Variants in KCNAB1 observed in about 807,000 individuals in gnomAD.
KCNAB1 encodes the protein potassium voltage-gated channel subfamily A regulatory beta subunit 1.
A neutral mutation model predicts 64.6 loss-of-function variants in KCNAB1; 35 were observed. The ratio of observed to expected loss-of-function variants is 0.54; its 90% confidence interval spans 0.41 to 0.72. KCNAB1 has a LOEUF of 0.72. Ranked by LOEUF, KCNAB1 falls within the 30% of genes least tolerant of loss-of-function variation. The pLI, the probability that KCNAB1 is intolerant of heterozygous loss-of-function variation, is 0.00. For synonymous variants in KCNAB1, 177 were observed against 183.8 expected (o/e 0.96, Z 0.30); for missense variants, 401 against 512.9 (o/e 0.78, Z 2.11).
intron 1 of KCNAB1, among the ~76,000 whole-genome samples, chr3:156,228,201 G>C (rs1163769588): frequency 2.0e-5 from 3 of 152,096 alleles, no homozygotes; most frequent in East Asian, 3.9e-4. Flanking sequence ...TGGGAAGTCA[G>C]ATGCTGTCCT....
At chr3:156,256,816 G>A (rs2108472757) in intron 1 of KCNAB1, among the ~76,000 whole-genome samples, 1 of 152,298 alleles carries the variant, frequency 6.6e-6, no homozygotes, top group African/African-American at 2.4e-5. Context: ...TTCTAGTTGG[G>A]TTCAGCCCAT....
chr3:156,472,300 G>C (rs2108314785), intron 7 of KCNAB1, among the ~76,000 whole-genome samples: 1 of 152,286 alleles, frequency 6.6e-6, no homozygotes, highest in South Asian at 2.1e-4. Flanking sequence ...GTCTGAGCTG[G>C]ATGAGCTGCG....
intron 3 of KCNAB1, among the ~76,000 whole-genome samples, chr3:156,456,620 C>T (rs1372726642): frequency 6.6e-6 from 1 of 152,180 alleles, no homozygotes; most frequent in African/African-American, 2.4e-5. Flanking sequence ...GATGAAGCAA[C>T]TTTAGCCTGC....
At chr3:156,487,988 G>T (rs937403095) in intron 8 of KCNAB1, among the ~76,000 whole-genome samples, 4 of 152,032 alleles carry the variant, frequency 2.6e-5, no homozygotes, top group African/African-American at 9.7e-5. Flanking sequence ...AATGTTGCAA[G>T]ACCCTGTCTC....
intron 1 of KCNAB1, among the ~76,000 whole-genome samples, chr3:156,146,037 G>A (rs1420571433): frequency 6.6e-6 from 1 of 152,190 alleles, no homozygotes; most frequent in Non-Finnish European, 1.5e-5. Context: ...AGACGCCATT[G>A]CAGACTTTAG....
At chr3:156,436,395 A>G (rs2108252332) in intron 2 of KCNAB1, among the ~76,000 whole-genome samples, 1 of 152,354 alleles carries the variant, frequency 6.6e-6, no homozygotes, top group African/African-American at 2.4e-5. Flanking sequence ...ATGTATGTTT[A>G]TAAAAGAATA....
chr3:156,522,741 T>C (rs1718037354), intron 11 of KCNAB1, among the ~76,000 whole-genome samples: 1 of 152,234 alleles, frequency 6.6e-6, no homozygotes, highest in Non-Finnish European at 1.5e-5. Context: ...CAGCAGCCTA[T>C]TGAAATCATG....
At chr3:156,427,592 A>AATAGCAAG (rs1185734681) in intron 2 of KCNAB1, among the ~76,000 whole-genome samples, 1 of 152,226 alleles carries the variant, frequency 6.6e-6, no homozygotes, top group Admixed American at 6.5e-5. Context: ...TCCACTGAAT[A>AATAGCAAG]ATAGCAAGGA....
chr3:156,144,201 G>T (rs188673735), intron 1 of KCNAB1, among the ~76,000 whole-genome samples: 169 of 152,222 alleles, frequency 1.1e-3, no homozygotes, highest in African/African-American at 3.8e-3. Flanking sequence ...GAAGGACAAG[G>T]TACTGAAAAC....
intron 1 of KCNAB1, among the ~76,000 whole-genome samples, chr3:156,341,235 C>A (rs575880399): frequency 6.6e-6 from 1 of 152,122 alleles, no homozygotes; most frequent in Non-Finnish European, 1.5e-5. Context: ...ATGGATAATT[C>A]GTAGCATCAA....
rs1006261258 is a variant in KCNAB1, at chr3:156,209,480, A to T, written c.275+88594A>T. Reference sequence around the variant, plus strand: ...CGTCAATGAACTTTAGTCTAAAAGCATAATGCTTTGAAGAAAAGAAAATTT... The same window carrying T: ...CGTCAATGAACTTTAGTCTAAAAGCTTAATGCTTTGAAGAAAAGAAAATTT... On this transcript the variant is annotated intron_variant, in intron 1 of 13. Coordinates refer to ENST00000490337, the MANE Select transcript of KCNAB1 (RefSeq NM_172160.3). 3.9e-4 allele frequency among the ~76,000 whole-genome samples: 60 copies of T among 152,272 alleles called. 1 individual carries two copies. The highest frequency in any genetic ancestry group is 3.7e-3 in the Admixed American group (56 of 15,286).
At chr3:156,493,954 A>G (rs1348634012) in intron 8 of KCNAB1, among the ~76,000 whole-genome samples, 2 of 152,136 alleles carry the variant, frequency 1.3e-5, no homozygotes, top group Non-Finnish European at 2.9e-5. Context: ...TTATGGTGGT[A>G]CCTACCAGGC....
At chr3:156,482,915 T>A (rs1010466668) in intron 8 of KCNAB1, among the ~76,000 whole-genome samples, 6 of 152,120 alleles carry the variant, frequency 3.9e-5, no homozygotes, top group Non-Finnish European at 5.9e-5. Flanking sequence ...ACTACCAGGT[T>A]ATCCTAGAGG....
intron 1 of KCNAB1, among the ~76,000 whole-genome samples, chr3:156,376,260 G>C (rs1711653425): frequency 6.6e-6 from 1 of 152,338 alleles, no homozygotes; most frequent in Non-Finnish European, 1.5e-5. Context: ...AAGCAAGAGA[G>C]AGGCAGTGTG....
At chr3:156,432,014 T>C (rs1294101454) in intron 2 of KCNAB1, among the ~76,000 whole-genome samples, 2 of 152,178 alleles carry the variant, frequency 1.3e-5, no homozygotes, top group Non-Finnish European at 2.9e-5. Flanking sequence ...CCAAACTGCA[T>C]TCTGGGAGTA....
chr3:156,439,941 A>G (rs138902743), intron 2 of KCNAB1, among the ~76,000 whole-genome samples: 1 of 152,364 alleles, frequency 6.6e-6, no homozygotes, highest in African/African-American at 2.4e-5. Flanking sequence ...ACAAACTTAC[A>G]TAAAGGCCAG....
At chr3:156,302,530 G>A (rs1721223966) in intron 1 of KCNAB1, among the ~76,000 whole-genome samples, 1 of 152,174 alleles carries the variant, frequency 6.6e-6, no homozygotes, top group African/African-American at 2.4e-5. Flanking sequence ...TGGGATCATT[G>A]AAAATGCTGA....
chr3:156,170,479 T>C (rs1225483375), intron 1 of KCNAB1, among the ~76,000 whole-genome samples: 1 of 152,154 alleles, frequency 6.6e-6, no homozygotes, highest in African/African-American at 2.4e-5. Context: ...TGAAGTGTCA[T>C]CCTGGCCGTG....
chr3:156,518,674 G>A (rs1308327201), intron 11 of KCNAB1, among the ~76,000 whole-genome samples: 1 of 152,136 alleles, frequency 6.6e-6, no homozygotes, highest in Non-Finnish European at 1.5e-5. Context: ...TGCAATTGAA[G>A]GATAAATTAA....
Sources: gnomAD v4.1 joint callset for allele counts (sites outside exome capture counted in the v4.1 genomes callset) on GRCh38, gnomAD v4.1.1 for gene constraint, MANE v1.5 for transcripts, NCBI Gene and HGNC (gene_info 2026-07-23, HGNC 2026-07-21) for gene names.